The following BDNF variants were observed in gnomAD, a reference collection of about 807,000 sequenced individuals.
BDNF encodes neurotrophic factor BDNF precursor form.
A neutral mutation model predicts 19.5 loss-of-function variants in BDNF; 1 was observed. The observed-to-expected ratio is 0.05, with a 90% CI of 0.02 to 0.24. The LOEUF (loss-of-function observed/expected upper bound fraction) is 0.24, where lower values mean the gene tolerates loss of function less well. Among genes scored for constraint, BDNF ranks in the 10% least tolerant of loss-of-function variants. BDNF has a pLI of 1.00. For missense variants in BDNF, 195 were observed against 317.6 expected, an observed-to-expected ratio of 0.61 and a Z score of 2.93; for synonymous variants, 100 against 121.6, an observed-to-expected ratio of 0.82 and a Z score of 1.17.
chr11:27,718,787 C>A (rs1001216621), intron 1 of BDNF, among the ~76,000 whole-genome samples: 1 of 152,058 alleles, frequency 6.6e-6, no homozygotes, highest in Non-Finnish European at 1.5e-5. Context: ...TATGAATCCA[C>A]CTGCGCAGAG....
At chr11:27,700,487 C>A, upstream of BDNF, 1 of 982,868 alleles carries the variant, frequency 1.0e-6, no homozygotes, top group Non-Finnish European at 1.2e-6. Context: ...TTATTTAGCT[C>A]TTCGGTTGAG....
intron 1 of BDNF, among the ~76,000 whole-genome samples, chr11:27,689,442 C>T (rs567363920): frequency 2.0e-4 from 30 of 152,314 alleles, no homozygotes; most frequent in African/African-American, 6.3e-4. Context: ...TGGAATACCA[C>T]ACATTTGGAC....
intron 1 of BDNF, among the ~76,000 whole-genome samples, chr11:27,715,700 C>T (rs970644879): frequency 2.0e-5 from 3 of 152,184 alleles, no homozygotes; most frequent in Non-Finnish European, 4.4e-5. Context: ...GAGGAACAAA[C>T]ACAAATTTCC....
intron 1 of BDNF, chr11:27,659,309 CTGTTCTT>C (rs1480989869): frequency 1.0e-6 from 1 of 999,642 alleles, no homozygotes; most frequent in Non-Finnish European, 1.2e-6. Context: ...CCCAATTCCA[CTGTTCTT>C]TATTCTACAC....
At chr11:27,696,942 GA>G (rs1262510568) in intron 1 of BDNF, among the ~76,000 whole-genome samples, 1 of 152,156 alleles carries the variant, frequency 6.6e-6, no homozygotes, top group Non-Finnish European at 1.5e-5. Flanking sequence ...CAGGAAGTCT[GA>G]AATTGTTCTT....
intron 1 of BDNF, chr11:27,699,749 C>T (rs1564988452): frequency 7.6e-7 from 1 of 1,308,548 alleles, no homozygotes; most frequent in South Asian, 1.7e-5. Flanking sequence ...GACCACCCAC[C>T]CCCTGGAAGG....
chr11:27,682,141 TAA>T (rs1856908324), intron 1 of BDNF, among the ~76,000 whole-genome samples: 1 of 152,134 alleles, frequency 6.6e-6, no homozygotes, highest in Admixed American at 6.6e-5. Context: ...AAATAAACGA[TAA>T]GTCTCTCTAA....
chr11:27,656,942 G>A lies in BDNF; in HGVS notation c.*879C>T. The A allele has an allele frequency of 6.1e-6, 6 of 985,330 alleles. No homozygotes were observed. Among genetic ancestry groups the A allele is most frequent in the Non-Finnish European group, 7.2e-6 (6 of 829,952 alleles). 61.0% of individuals were successfully genotyped at this position (985,330 alleles called of 1,614,324 possible). A position where few individuals can be genotyped will look rare whatever the true frequency, so the allele number is the denominator to read the frequency against. The stretch of plus-strand genomic sequence containing the variant: ...TTTCTTCCTTAAAACAAAACAAAGA[G>A]GAGACCAGAGGGGGAGGGGGGGAAA... On this transcript the variant is annotated 3_prime_UTR_variant, in exon 2 of 2. Coordinates refer to ENST00000356660, the MANE Select transcript of BDNF (RefSeq NM_001709.5).
intron 1 of BDNF, among the ~76,000 whole-genome samples, chr11:27,669,027 C>T (rs572236923): frequency 1.3e-5 from 2 of 152,208 alleles, no homozygotes; most frequent in Admixed American, 6.5e-5. Flanking sequence ...ACTGGCAAAC[C>T]GAATCCAGCA....
At chr11:27,721,902 C>T (rs1332607300) in exon 1 of BDNF, 1 of 167,176 alleles carries the variant, frequency 6.0e-6, no homozygotes, top group Non-Finnish European at 1.3e-5. Context: ...CCCTTGCCCA[C>T]TACGCAGGTC....
Position 27,656,036 on chromosome 11 carries a change from C to A in BDNF, c.*1785G>T, listed in dbSNP as rs11030099. 26,113 of 151,984 alleles carry A rather than the reference C, an allele frequency of 0.17. 2,880 individuals carry two copies. Among genetic ancestry groups the A allele is most frequent in the East Asian group, 0.46 (2,368 of 5,096 alleles). 9.4% of individuals were successfully genotyped at this position (151,984 alleles called of 1,614,324 possible). On this transcript the variant is annotated 3_prime_UTR_variant, in exon 2 of 2. Coordinates refer to ENST00000356660, the MANE Select transcript of BDNF (RefSeq NM_001709.5). ...CCTCTTCCATTGAGCAAGGCACCTTCAAGTCTTGGTGTTCTGAATGTCCAG... is the reference window on the plus strand; with the variant it reads ...CCTCTTCCATTGAGCAAGGCACCTTAAAGTCTTGGTGTTCTGAATGTCCAG...
chr11:27,657,812 A>G lies in BDNF; in HGVS notation c.*9T>C, dbSNP rs915331109. On this transcript the variant is annotated 3_prime_UTR_variant, in exon 2 of 2. Transcript: ENST00000356660. The surrounding 1 kb of genome is among the most constrained non-coding windows in gnomAD (Gnocchi z 5.0). Reference sequence around the variant, plus strand: ...CTCAATATAATCTAATCTATACAACATAAATCCACTATCTTCCCCTTTTAA... The same window carrying G: ...CTCAATATAATCTAATCTATACAACGTAAATCCACTATCTTCCCCTTTTAA... The G allele has an allele frequency of 8.7e-6, 14 of 1,612,290 alleles. No homozygotes were observed. The Admixed American group carries it at 1.8e-4, about 21-fold the overall frequency.
At chr11:27,701,138 A>C (rs1859875147), upstream of BDNF, 1 of 1,253,374 alleles carries the variant, frequency 8.0e-7, no homozygotes, top group African/African-American at 1.5e-5. Context: ...AATCAAGATA[A>C]TAACAGCATT....
intron 1 of BDNF, among the ~76,000 whole-genome samples, chr11:27,695,674 T>C (rs1384800938): frequency 2.0e-5 from 3 of 152,166 alleles, no homozygotes; most frequent in African/African-American, 4.8e-5. Flanking sequence ...ACTTTTACTT[T>C]ATTATGGCTG....
chr11:27,699,700 G>A (rs539103547), intron 1 of BDNF: 7 of 1,395,112 alleles, frequency 5.0e-6, no homozygotes, highest in East Asian at 2.6e-5. Flanking sequence ...GGCTGAAGGC[G>A]CAAGCTTCCC....
At chr11:27,663,325 C>A (rs1853765238) in intron 1 of BDNF, among the ~76,000 whole-genome samples, 1 of 152,178 alleles carries the variant, frequency 6.6e-6, no homozygotes, top group Admixed American at 6.5e-5. Flanking sequence ...TTAATTCAAC[C>A]ACATCTATAA....
chr11:27,676,978 A>T (rs141114699), intron 1 of BDNF: 32 of 152,352 alleles, frequency 2.1e-4, no homozygotes, highest in African/African-American at 7.7e-4. Context: ...ACTTTCTGCT[A>T]CAGGAAATTC....
At chr11:27,695,259 T>G (rs1157400592) in intron 1 of BDNF, among the ~76,000 whole-genome samples, 1 of 152,238 alleles carries the variant, frequency 6.6e-6, no homozygotes, top group Admixed American at 6.5e-5. Context: ...CCCGTTTATT[T>G]TCTTTGAATT....
At chr11:27,712,927 C>CTTTTTTTTTTTTTTT (rs112937534) in intron 1 of BDNF, among the ~76,000 whole-genome samples, 3 of 117,280 alleles carry the variant, frequency 2.6e-5, no homozygotes, top group African/African-American at 6.3e-5. Flanking sequence ...TTCTTTCTTT[C>CTTTTTTTTTTTTTTT]TTTTTTTTTT....
Sources: allele counts gnomAD v4.1 joint callset (sites outside exome capture counted in the v4.1 genomes callset), GRCh38; gene constraint gnomAD v4.1.1; non-coding constraint Gnocchi (gnomAD v3.1); transcripts MANE v1.5; gene names NCBI Gene and HGNC (gene_info 2026-07-23, HGNC 2026-07-21).